Variants in WDR7 observed in about 807,000 individuals in gnomAD.
WDR7 encodes WD repeat domain 7.
In WDR7, 46 loss-of-function variants were observed where a neutral mutation model predicts 169.4. The ratio of observed to expected loss-of-function variants is 0.27; its 90% CI spans 0.21 to 0.35. The LOEUF (loss-of-function observed/expected upper bound fraction) is 0.35, where lower values mean the gene tolerates loss of function less well. Ranked by LOEUF, WDR7 falls within the 10% of genes least tolerant of loss-of-function variation. The probability of loss-of-function intolerance (pLI) is 1.00; values close to 1 mark genes in which losing one functional copy is unlikely to be tolerated. For missense variants in WDR7, 1,534 were observed against 1,859.3 expected, an observed-to-expected ratio of 0.83 and a Z score of 3.22; for synonymous variants, 612 against 666.8, an observed-to-expected ratio of 0.92 and a Z score of 1.27.
intron 14 of WDR7, among the ~76,000 whole-genome samples, chr18:56,738,228 T>C (rs1290623367): frequency 6.6e-6 from 1 of 152,210 alleles, no homozygotes; most frequent in Non-Finnish European, 1.5e-5. Context: ...ATAATCATGA[T>C]CTTCTAACAT....
rs1163576773 is a variant in WDR7 at position 56,781,527 on chromosome 18, T to G, written c.3067-6T>G. 1.9e-6 allele frequency: 3 copies of G among 1,599,974 alleles called. No individual in the cohort carries two copies. The highest frequency in any genetic ancestry group is 2.6e-6 in the Non-Finnish European group (3 of 1,173,092). On this transcript the variant is annotated splice_region_variant and splice_polypyrimidine_tract_variant and intron_variant, in intron 18 of 27. Transcript: ENST00000254442. ...TCTGCTTTTACATTTGGGTCTGTGGTCTTAGGTGAGAGAAGCCGCGCAGGC... is the reference window on the plus strand; with the variant it reads ...TCTGCTTTTACATTTGGGTCTGTGGGCTTAGGTGAGAGAAGCCGCGCAGGC...
At chr18:56,698,315 A>G (rs923037964) in intron 12 of WDR7, among the ~76,000 whole-genome samples, 1 of 151,250 alleles carries the variant, frequency 6.6e-6, no homozygotes, top group African/African-American at 2.4e-5. Context: ...CTTTTAAAAA[A>G]TTTCAAGTGG....
In WDR7 at chr18:56,695,000, A is replaced by C; in HGVS notation, c.1159A>C (p.Asn387His). 6 of 1,614,206 alleles carry C rather than the reference A, an allele frequency of 3.7e-6. No homozygotes were observed. The highest frequency in any genetic ancestry group is 5.1e-6 in the Non-Finnish European group (6 of 1,180,028). ...TTTGCAAGAGGCATTTGATAAACTG[A>C]ATCCTTGTCCTGCTGGAATTATAGA... ...ISLQEAFDKL[N>H]PCPAGIIDQL... The change falls in exon 11 of 28, where the codon AAT becomes CAT. Residue 387 changes from asparagine to histidine, a missense_variant. Physicochemically the swap from Asn to His is moderately conservative, Grantham distance 68. Coordinates refer to ENST00000254442, the MANE Select transcript of WDR7 (RefSeq NM_015285.3).
chr18:57,011,834 C>G (rs775671295), intron 26 of WDR7, among the ~76,000 whole-genome samples: 3 of 152,218 alleles, frequency 2.0e-5, no homozygotes, highest in Non-Finnish European at 4.4e-5. Context: ...ATTGCATTTA[C>G]CATGTACTTC....
At chr18:56,901,690 G>A (rs1437508526) in intron 21 of WDR7, among the ~76,000 whole-genome samples, 1 of 152,054 alleles carries the variant, frequency 6.6e-6, no homozygotes, top group Non-Finnish European at 1.5e-5. Context: ...AATTGCTATG[G>A]ATTTCTGAGC....
At chr18:56,976,341 AGACT>A (rs2047565803) in intron 26 of WDR7, among the ~76,000 whole-genome samples, 2 of 152,250 alleles carry the variant, frequency 1.3e-5, no homozygotes, top group African/African-American at 2.4e-5. Flanking sequence ...CTGATAGGAA[AGACT>A]GACATGAGAC....
At position 56,757,144 on chromosome 18, in the gene WDR7, TATA is replaced by T; in HGVS notation, c.2554_2556del (p.Asn852del). On this transcript the variant is annotated inframe_deletion, in exon 15 of 28. Transcript: ENST00000254442. Reference sequence around the variant, plus strand: ...CCATATGTCACTGATGCTGCCGGGTTATAATCAGCCTGCTTGTAAACTGTCACA... The same window carrying T: ...CCATATGTCACTGATGCTGCCGGGTTATCAGCCTGCTTGTAAACTGTCACA... The T allele has an allele frequency of 6.2e-7, 1 of 1,614,130 alleles. No individual in the cohort carries two copies. The highest frequency in any genetic ancestry group is 8.5e-7 in the Non-Finnish European group (1 of 1,180,018).
At chr18:56,965,688 C>T (rs1017015003) in intron 26 of WDR7, among the ~76,000 whole-genome samples, 2 of 152,062 alleles carry the variant, frequency 1.3e-5, no homozygotes, top group Non-Finnish European at 2.9e-5. Context: ...CTGGCAAAAA[C>T]TGTTTTGTGG....
intron 1 of WDR7, among the ~76,000 whole-genome samples, chr18:56,662,625 C>T (rs893934393): frequency 2.0e-5 from 3 of 152,084 alleles, no homozygotes; most frequent in Admixed American, 6.6e-5. Flanking sequence ...TTGCCCACAA[C>T]GTTCACTTGA....
chr18:56,747,144 A>G (rs2043717765), intron 14 of WDR7, among the ~76,000 whole-genome samples: 1 of 152,194 alleles, frequency 6.6e-6, no homozygotes, highest in South Asian at 2.1e-4. Flanking sequence ...AAATCTCTAC[A>G]GAATGAATGT....
intron 19 of WDR7, among the ~76,000 whole-genome samples, chr18:56,807,740 G>A (rs1399365739): frequency 6.7e-6 from 1 of 149,244 alleles, no homozygotes; most frequent in Non-Finnish European, 1.5e-5. Context: ...ATCAAAACTC[G>A]TGTTACCAAA....
chr18:56,934,703 A>G lies in WDR7; in HGVS notation c.3714-1085A>G, dbSNP rs189575261. 3.7e-4 allele frequency among the ~76,000 whole-genome samples: 56 copies of G among 152,288 alleles called. No individual in the cohort carries two copies. In the East Asian group the frequency reaches 5.0e-3, roughly 14 times the overall value. ...TTATTTTCAGCTACAAGTTAAAATA[A>G]TGGTTCTTAGATCAATTATAGAGAT... On this transcript the variant is annotated intron_variant, in intron 22 of 27. Transcript: ENST00000254442.
At chr18:56,757,393 AAAAG>A in intron 15 of WDR7, 41 bp downstream of exon 15, 1 of 1,490,074 alleles carries the variant, frequency 6.7e-7, no homozygotes, top group Non-Finnish European at 8.9e-7. Context: ...AAGTTTCAAA[AAAAG>A]AAACCTGTTT....
chr18:56,948,719 T>C (rs2047140699), intron 25 of WDR7, among the ~76,000 whole-genome samples: 1 of 152,364 alleles, frequency 6.6e-6, no homozygotes, highest in South Asian at 2.1e-4. Context: ...ATGAGCTTTT[T>C]TTGTGCTGAC....
At chr18:56,695,535 ATC>A (rs2025681034) in intron 11 of WDR7, among the ~76,000 whole-genome samples, 1 of 150,558 alleles carries the variant, frequency 6.6e-6, no homozygotes, top group African/African-American at 2.5e-5. Flanking sequence ...TCCAATAGAA[ATC>A]TTTTTTTTTT....
intron 21 of WDR7, among the ~76,000 whole-genome samples, chr18:56,922,139 AAT>A (rs2046733966): frequency 6.6e-6 from 1 of 152,214 alleles, no homozygotes; most frequent in South Asian, 2.1e-4. Flanking sequence ...AGAAGTAAAA[AAT>A]AAACAGGAAA....
At chr18:56,660,171 G>GTACTTAGTTATTGGGAGGGGTACT (rs2144439506) in intron 1 of WDR7, among the ~76,000 whole-genome samples, 1 of 152,282 alleles carries the variant, frequency 6.6e-6, no homozygotes, top group South Asian at 2.1e-4. Context: ...ACTAAGATGG[G>GTACTTAGTTATTGGGAGGGGTACT]TAGACTGTGG....
chr18:56,672,584 A>G lies in WDR7; in HGVS notation c.69A>G (p.Ser23=), dbSNP rs748510069. ...WGRKAPTHCI[S]AVLLTDDGAT... ...GAAAAGCGCCCACACATTGCATCTC[A>G]GCCGTACTTTTAACAGATGATGGGG... The change falls in exon 2 of 28, where the codon TCA becomes TCG. Residue 23 remains serine (S), a synonymous_variant. Transcript: ENST00000254442. 4 of 1,612,370 alleles carry G rather than the reference A, an allele frequency of 2.5e-6. No individual in the cohort carries two copies. In the South Asian group the frequency reaches 4.4e-5, roughly 18 times the overall value.
intron 20 of WDR7, among the ~76,000 whole-genome samples, chr18:56,833,425 C>G (rs2045348194): frequency 6.6e-6 from 1 of 152,022 alleles, no homozygotes; most frequent in Admixed American, 6.5e-5. Flanking sequence ...ACCTATGTAA[C>G]AAACCTGCAT....
Sources: allele counts gnomAD v4.1 joint callset (sites outside exome capture counted in the v4.1 genomes callset), GRCh38; gene constraint gnomAD v4.1.1; transcripts MANE v1.5; gene names NCBI Gene and HGNC (gene_info 2026-07-23, HGNC 2026-07-21).